Variants in NRG3 observed in about 807,000 individuals in gnomAD.
The protein encoded by NRG3 is pro-neuregulin-3, membrane-bound isoform.
NRG3 carries 31 observed loss-of-function variants against 66.9 expected under a neutral mutation model. The ratio of observed to expected loss-of-function variants is 0.46; its 90% CI spans 0.35 to 0.63. NRG3 has a LOEUF of 0.63. Among genes scored for constraint, NRG3 ranks in the 20% least tolerant of loss-of-function variants. The pLI, the probability that NRG3 is intolerant of heterozygous loss-of-function variation, is 0.00. For missense variants in NRG3, 910 were observed against 878.9 expected (o/e 1.04, Z -0.45); for synonymous variants, 393 against 359.4 (o/e 1.09, Z -1.06).
At chr10:82,440,278 C>A (rs2136430762) in intron 2 of NRG3, among the ~76,000 whole-genome samples, 1 of 150,736 alleles carries the variant, frequency 6.6e-6, no homozygotes, top group South Asian at 2.1e-4. Flanking sequence ...TGTGTACATA[C>A]TTACATCTCA....
intron 3 of NRG3, among the ~76,000 whole-genome samples, chr10:82,859,661 T>C (rs941556135): frequency 6.6e-6 from 1 of 152,164 alleles, no homozygotes; most frequent in Non-Finnish European, 1.5e-5. Context: ...AGTGGTTAGA[T>C]AAGAAGAAAA....
chr10:81,949,672 G>A (rs923544983), intron 1 of NRG3, among the ~76,000 whole-genome samples: 1 of 152,048 alleles, frequency 6.6e-6, no homozygotes, highest in East Asian at 1.9e-4. Context: ...AAAAAAACAC[G>A]TTATGAGAAT....
chr10:82,155,918 C>T (rs1228023214), intron 1 of NRG3, among the ~76,000 whole-genome samples: 1 of 151,726 alleles, frequency 6.6e-6, no homozygotes, highest in African/African-American at 2.4e-5. Flanking sequence ...TCCTGGTCTA[C>T]ATTTATATGC....
intron 1 of NRG3, among the ~76,000 whole-genome samples, chr10:82,081,344 C>T (rs2065379638): frequency 6.6e-6 from 1 of 151,802 alleles, no homozygotes. Context: ...ACTTTGAGGA[C>T]TTTACATAGA....
intron 2 of NRG3, among the ~76,000 whole-genome samples, chr10:82,419,552 G>C (rs539525114): frequency 2.0e-5 from 3 of 152,122 alleles, no homozygotes; most frequent in Admixed American, 1.3e-4. Flanking sequence ...CGCCCAAAAA[G>C]TGATTAGCGC....
intron 2 of NRG3, among the ~76,000 whole-genome samples, chr10:82,693,242 GCATT>G (rs1371206173): frequency 6.6e-6 from 1 of 151,994 alleles, no homozygotes; most frequent in Non-Finnish European, 1.5e-5. Context: ...CAAGCCAACA[GCATT>G]CATTTATTTT....
At chr10:82,359,598 A>G (rs1045032451) in intron 2 of NRG3, among the ~76,000 whole-genome samples, 12 of 152,206 alleles carry the variant, frequency 7.9e-5, no homozygotes, top group African/African-American at 2.7e-4. Context: ...ACTCAATAGA[A>G]GAATCAAATT....
At chr10:82,124,739 A>T (rs1400187187) in intron 1 of NRG3, among the ~76,000 whole-genome samples, 1 of 151,974 alleles carries the variant, frequency 6.6e-6, no homozygotes, top group African/African-American at 2.4e-5. Context: ...AAAAAAAAAA[A>T]AAAAGTTTAA....
At chr10:82,601,999 C>T (rs1430013704) in intron 2 of NRG3, among the ~76,000 whole-genome samples, 1 of 150,538 alleles carries the variant, frequency 6.6e-6, no homozygotes, top group Non-Finnish European at 1.5e-5. Flanking sequence ...GGGAGGGTTG[C>T]TCAAATCCAG....
chr10:82,429,933 C>A (rs1029391593), intron 2 of NRG3, among the ~76,000 whole-genome samples: 3 of 152,046 alleles, frequency 2.0e-5, no homozygotes, highest in Admixed American at 1.3e-4. Flanking sequence ...ATTTTTATTT[C>A]AATAATTGTA....
chr10:82,921,362 A>AG (rs1846404439), intron 4 of NRG3, among the ~76,000 whole-genome samples: 2 of 152,162 alleles, frequency 1.3e-5, no homozygotes, highest in Admixed American at 6.5e-5. Flanking sequence ...AAACTATTAA[A>AG]TGTGATGTGG....
At chr10:82,345,770 G>A (rs1466874597) in intron 1 of NRG3, among the ~76,000 whole-genome samples, 1 of 151,774 alleles carries the variant, frequency 6.6e-6, no homozygotes, top group Admixed American at 6.6e-5. Context: ...TCCTTGAAGA[G>A]GTCCTTCACA....
At chr10:82,228,621 A>T (rs1649977) in intron 1 of NRG3, among the ~76,000 whole-genome samples, 15,829 of 152,214 alleles carry the variant, frequency 0.1, 900 homozygotes, top group Middle Eastern at 0.18. Flanking sequence ...TATGAAATAT[A>T]TTTGAACTAT....
chr10:82,461,643 C>G (rs980165847), intron 2 of NRG3, among the ~76,000 whole-genome samples: 2 of 152,086 alleles, frequency 1.3e-5, no homozygotes, highest in African/African-American at 4.8e-5. Context: ...TCTACGCACC[C>G]CATTAAACTG....
At position 82,145,795 on chromosome 10, in the gene NRG3, C is replaced by A. The variant is rs555012448; in HGVS notation, c.824-212944C>A. Among the ~76,000 whole-genome samples, 61 of 152,100 alleles carry A rather than the reference C, an allele frequency of 4.0e-4. 1 individual carries two copies. The highest frequency in any genetic ancestry group is 1.3e-3 in the African/African-American group (56 of 41,508). ...ATCTATGGCAAACTTGCAACAATCC[C>A]AAAACATTGCTTTTCTGGTTATATA... On this transcript the variant is annotated intron_variant, in intron 1 of 8. Transcript: ENST00000372141.
chr10:82,150,136 C>T (rs976070876), intron 1 of NRG3, among the ~76,000 whole-genome samples: 17 of 152,214 alleles, frequency 1.1e-4, no homozygotes, highest in African/African-American at 3.9e-4. Flanking sequence ...TTAACAGGAG[C>T]CACCTCCAGG....
At chr10:82,495,443 C>T (rs1843535250) in intron 2 of NRG3, among the ~76,000 whole-genome samples, 1 of 151,758 alleles carries the variant, frequency 6.6e-6, no homozygotes, top group Admixed American at 6.6e-5. Flanking sequence ...TGTCCCATAT[C>T]CCTTTCCCAT....
chr10:82,686,177 C>CT (rs59238821), intron 2 of NRG3, among the ~76,000 whole-genome samples: 2 of 147,718 alleles, frequency 1.4e-5, no homozygotes, highest in African/African-American at 5.0e-5. Context: ...GCTATGCTTT[C>CT]TTTTTTTTTT....
At chr10:81,893,884 A>G (rs1313951857) in intron 1 of NRG3, among the ~76,000 whole-genome samples, 2 of 152,164 alleles carry the variant, frequency 1.3e-5, no homozygotes, top group African/African-American at 2.4e-5. Context: ...AAAACTTCCC[A>G]GTATAATTTA....
Sources: gnomAD v4.1 joint callset for allele counts (sites outside exome capture counted in the v4.1 genomes callset) on GRCh38, gnomAD v4.1.1 for gene constraint, MANE v1.5 for transcripts, NCBI Gene and HGNC (gene_info 2026-07-23, HGNC 2026-07-21) for gene names.